The following TTC3 variants were observed in gnomAD, a reference collection of about 807,000 sequenced individuals.
TTC3 encodes the protein tetratricopeptide repeat domain 3.
Under a neutral mutation model 249.6 loss-of-function variants are expected in TTC3, and 180 were observed. The ratio of observed to expected loss-of-function variants is 0.72; its 90% CI spans 0.64 to 0.82. The LOEUF (loss-of-function observed/expected upper bound fraction) is 0.82, where lower values mean the gene tolerates loss of function less well. Among genes scored for constraint, TTC3 ranks in the 40% least tolerant of loss-of-function variants. TTC3 has a pLI of 0.00. For missense variants in TTC3, 2,061 were observed against 2,398.4 expected (o/e 0.86, Z 2.94); for synonymous variants, 717 against 805.0 (o/e 0.89, Z 1.85).
intron 41 of TTC3, 148 bp downstream of exon 41, chr21:37,192,361 C>A: frequency 1.8e-6 from 1 of 568,000 alleles, no homozygotes; most frequent in Non-Finnish European, 3.1e-6. Flanking sequence ...ACTGATTAAC[C>A]TTTTAAGCTT....
At chr21:37,077,729 C>T (rs1272782155) in intron 1 of TTC3, among the ~76,000 whole-genome samples, 2 of 152,062 alleles carry the variant, frequency 1.3e-5, no homozygotes, top group African/African-American at 2.4e-5. Flanking sequence ...TCTTTGTTTC[C>T]TTTTTATGAA....
At chr21:37,111,985 G>A (rs973842288) in intron 11 of TTC3, among the ~76,000 whole-genome samples, 12 of 151,816 alleles carry the variant, frequency 7.9e-5, no homozygotes, top group African/African-American at 2.9e-4. Flanking sequence ...AAATAAAGAT[G>A]TTCTTTGAAA....
chr21:37,161,965 G>A (rs370208060), intron 30 of TTC3, 25 bp from the exon 31 acceptor site: 16 of 1,484,848 alleles, frequency 1.1e-5, no homozygotes, highest in Non-Finnish European at 1.4e-5. Context: ...GAAAATCATT[G>A]TCATTTTTCT....
intron 34 of TTC3, among the ~76,000 whole-genome samples, chr21:37,168,290 C>T (rs1489999381): frequency 1.3e-5 from 2 of 151,964 alleles, no homozygotes; most frequent in African/African-American, 2.4e-5. Context: ...GGTATATTAA[C>T]TGAGAAAGCA....
chr21:37,151,875 A>G lies in TTC3; in HGVS notation c.2277-18A>G. ...AAAACAGTTCATTGAGTTGTCACTA[A>G]TTGTAAATGTTTATCAGCCTAGAGA... On this transcript the variant is annotated intron_variant, in intron 25 of 45. Transcript: ENST00000355666. 6.4e-7 allele frequency: 1 copy of G among 1,558,170 alleles called. No homozygotes were observed. Among genetic ancestry groups the G allele is most frequent in the Non-Finnish European group, 8.6e-7 (1 of 1,160,950 alleles).
At chr21:37,095,584 T>C (rs2073856925) in intron 9 of TTC3, 140 bp downstream of exon 9, 3 of 551,886 alleles carry the variant, frequency 5.4e-6, no homozygotes, top group Non-Finnish European at 9.3e-6. Context: ...TCCTTGGGTG[T>C]TGGAAGCATT....
At chr21:37,185,291 G>A (rs889052240) in intron 36 of TTC3, among the ~76,000 whole-genome samples, 1 of 152,244 alleles carries the variant, frequency 6.6e-6, no homozygotes, top group Admixed American at 6.5e-5. Context: ...GTGTGTGCAT[G>A]AATGCTTGTT....
chr21:37,138,600 T>C, intron 18 of TTC3, 34 bp from the exon 19 acceptor site: 2 of 1,523,208 alleles, frequency 1.3e-6, no homozygotes, highest in Non-Finnish European at 1.8e-6. Flanking sequence ...CAGAATTATA[T>C]TCAGATTTTT....
At chr21:37,144,702 G>T in intron 21 of TTC3, 57 bp downstream of exon 21, 1 of 1,566,060 alleles carries the variant, frequency 6.4e-7, no homozygotes, top group South Asian at 1.2e-5. Context: ...TGCATTGACT[G>T]ACTCAGGTAT....
At chr21:37,151,173 C>T (rs960468618) in intron 25 of TTC3, among the ~76,000 whole-genome samples, 1 of 151,986 alleles carries the variant, frequency 6.6e-6, no homozygotes, top group Admixed American at 6.5e-5. Flanking sequence ...ATAGATTTGG[C>T]ATTTATATAA....
intron 27 of TTC3, among the ~76,000 whole-genome samples, chr21:37,154,020 A>G (rs2079745880): frequency 1.3e-5 from 2 of 152,192 alleles, no homozygotes; most frequent in African/African-American, 4.8e-5. Context: ...CCTCCCCTAA[A>G]GCAGGCGCTT....
rs17193103 is a variant in TTC3, at chr21:37,199,919, C to T, written c.5851-313C>T. 3.3e-3 allele frequency among the ~76,000 whole-genome samples: 509 copies of T among 152,300 alleles called. 12 individuals carry two copies. The East Asian group carries it at 0.064, about 19-fold the overall frequency. On this transcript the variant is annotated intron_variant, in intron 44 of 45. Coordinates refer to ENST00000355666, the Ensembl canonical transcript of TTC3. ...TAGATGATTAAATGTATGATTAATTCACACCATGCCATGTGATTATCCCAT... is the reference window on the plus strand; with the variant it reads ...TAGATGATTAAATGTATGATTAATTTACACCATGCCATGTGATTATCCCAT...
At chr21:37,094,791 A>G (rs1465084040) in intron 8 of TTC3, among the ~76,000 whole-genome samples, 1 of 152,204 alleles carries the variant, frequency 6.6e-6, no homozygotes, top group Non-Finnish European at 1.5e-5. Flanking sequence ...ACTTTTTAAT[A>G]TTCTCTAACA....
chr21:37,153,045 G>A (rs2079631439), exon 27 of TTC3: 1 of 1,613,966 alleles, frequency 6.2e-7, no homozygotes, highest in Non-Finnish European at 8.5e-7. Flanking sequence ...CCGGCATACA[G>A]AATACAGCCA....
intron 35 of TTC3, among the ~76,000 whole-genome samples, chr21:37,180,679 G>T (rs1285045403): frequency 6.7e-6 from 1 of 149,796 alleles, no homozygotes; most frequent in Non-Finnish European, 1.5e-5. Context: ...GTTAGTGGGT[G>T]CAGTGCACCA....
chr21:37,123,090 G>T, intron 13 of TTC3, 62 bp downstream of exon 13: 2 of 1,554,640 alleles, frequency 1.3e-6, no homozygotes, highest in South Asian at 2.2e-5. Context: ...ATGAATTTAA[G>T]AATCACTTAT....
At chr21:37,111,909 T>C (rs1479349336) in intron 11 of TTC3, among the ~76,000 whole-genome samples, 2 of 151,320 alleles carry the variant, frequency 1.3e-5, no homozygotes, top group African/African-American at 2.4e-5. Flanking sequence ...TCAAAACCGC[T>C]CAACTACATG....
chr21:37,133,169 A>G (rs2077620021), intron 17 of TTC3, among the ~76,000 whole-genome samples: 1 of 152,216 alleles, frequency 6.6e-6, no homozygotes, highest in African/African-American at 2.4e-5. Flanking sequence ...AATATTTTTA[A>G]AAGATTTAAA....
intron 5 of TTC3, among the ~76,000 whole-genome samples, chr21:37,089,865 A>G (rs1260794422): frequency 6.6e-6 from 1 of 151,980 alleles, no homozygotes; most frequent in Non-Finnish European, 1.5e-5. Flanking sequence ...CGTGCCTGTA[A>G]TCCCAGGTAG....
Sources: allele counts gnomAD v4.1 joint callset (sites outside exome capture counted in the v4.1 genomes callset), GRCh38; gene constraint gnomAD v4.1.1; transcripts MANE v1.5; gene names NCBI Gene and HGNC (gene_info 2026-07-23, HGNC 2026-07-21).